Variants in RBFOX1 observed in about 807,000 individuals in gnomAD.
RBFOX1 encodes RNA binding protein fox-1 homolog 1.
A neutral mutation model predicts 57.7 loss-of-function variants in RBFOX1; 8 were observed. The ratio of observed to expected loss-of-function variants is 0.14; its 90% CI spans 0.08 to 0.25. The LOEUF (loss-of-function observed/expected upper bound fraction) is 0.25. RBFOX1 is among the 10% of genes least tolerant of loss of function. RBFOX1 has a pLI of 1.00. For synonymous variants in RBFOX1, 326 were observed against 222.4 expected (o/e 1.47, Z -4.15); for missense variants, 611 against 548.5 (o/e 1.11, Z -1.14).
At chr16:6,625,002 T>A (rs1468893415) in intron 2 of RBFOX1, among the ~76,000 whole-genome samples, 3 of 151,614 alleles carry the variant, frequency 2.0e-5, no homozygotes, top group Non-Finnish European at 4.4e-5. Flanking sequence ...CCATCTCTAC[T>A]AAAAATACAA....
chr16:7,040,283 T>G (rs2045754022), intron 3 of RBFOX1, among the ~76,000 whole-genome samples: 1 of 152,090 alleles, frequency 6.6e-6, no homozygotes, highest in African/African-American at 2.4e-5. Context: ...CCTCCCAAAG[T>G]GCTGGGATTG....
rs76883118 is a variant in RBFOX1, at chr16:7,006,780, C to A, written c.-15-45277C>A. On this transcript the variant is annotated intron_variant, in intron 3 of 15. Transcript: ENST00000550418. Reference sequence around the variant, plus strand: ...TGATTAAGAAAAAGTAAACCCTATGCAGAAGAGAACACTTAGCAAAGTTAA... The same window carrying A: ...TGATTAAGAAAAAGTAAACCCTATGAAGAAGAGAACACTTAGCAAAGTTAA... Among the ~76,000 whole-genome samples, 9 of 152,292 alleles carry A rather than the reference C, an allele frequency of 5.9e-5. No homozygotes were observed. In the East Asian group the frequency reaches 1.7e-3, roughly 29 times the overall value.
At chr16:6,742,523 A>G (rs1276092644) in intron 3 of RBFOX1, among the ~76,000 whole-genome samples, 2 of 152,210 alleles carry the variant, frequency 1.3e-5, no homozygotes, top group African/African-American at 4.8e-5. Context: ...AAAACCCCAG[A>G]AAGCTATACA....
At chr16:7,171,887 G>A (rs984286923) in intron 4 of RBFOX1, among the ~76,000 whole-genome samples, 11 of 152,134 alleles carry the variant, frequency 7.2e-5, no homozygotes, top group African/African-American at 2.7e-4. Flanking sequence ...CTCTGCTTAT[G>A]AGTACCACTT....
intron 3 of RBFOX1, among the ~76,000 whole-genome samples, chr16:6,760,192 A>G (rs527768239): frequency 1.3e-5 from 2 of 152,316 alleles, no homozygotes; most frequent in East Asian, 1.9e-4. Context: ...CTCCTTGGAT[A>G]TTTATTCTCT....
chr16:7,444,826 C>G (rs1385181179), intron 4 of RBFOX1, among the ~76,000 whole-genome samples: 3 of 152,090 alleles, frequency 2.0e-5, no homozygotes, highest in Non-Finnish European at 4.4e-5. Flanking sequence ...GCCACCGTGC[C>G]CCACTGACAT....
At chr16:7,305,213 T>C (rs893100344) in intron 4 of RBFOX1, among the ~76,000 whole-genome samples, 3 of 152,036 alleles carry the variant, frequency 2.0e-5, no homozygotes, top group Non-Finnish European at 4.4e-5. Context: ...TTTCCATTCA[T>C]TGTGCACATT....
chr16:7,234,494 G>A (rs953931525), intron 4 of RBFOX1, among the ~76,000 whole-genome samples: 5 of 151,960 alleles, frequency 3.3e-5, no homozygotes, highest in African/African-American at 1.2e-4. Context: ...CAGGCTCAAA[G>A]TTTGTCTTCT....
chr16:5,301,210 G>A (rs1021555605), intron 1 of RBFOX1, among the ~76,000 whole-genome samples: 2 of 152,206 alleles, frequency 1.3e-5, no homozygotes, highest in East Asian at 3.9e-4. Context: ...ATGGAAGCCA[G>A]CTACCACCAT....
At chr16:5,443,669 A>G (rs143169460) in intron 1 of RBFOX1, among the ~76,000 whole-genome samples, 1 of 152,194 alleles carries the variant, frequency 6.6e-6, no homozygotes, top group Non-Finnish European at 1.5e-5. Context: ...TCTAATTTTT[A>G]TGCCTCCCCC....
chr16:5,809,095 G>C (rs1296013442), intron 3 of RBFOX1, among the ~76,000 whole-genome samples: 3 of 152,162 alleles, frequency 2.0e-5, no homozygotes, highest in African/African-American at 7.2e-5. Flanking sequence ...CTTAATAAAT[G>C]GTGGTGGGAA....
At chr16:7,552,929 C>T (rs577003908) in intron 5 of RBFOX1, among the ~76,000 whole-genome samples, 4 of 152,056 alleles carry the variant, frequency 2.6e-5, no homozygotes, top group East Asian at 3.9e-4. Context: ...GTGATCTGCC[C>T]GCCTCGGACT....
At chr16:7,165,593 C>A (rs1457571196) in intron 4 of RBFOX1, among the ~76,000 whole-genome samples, 1 of 151,638 alleles carries the variant, frequency 6.6e-6, no homozygotes, top group Non-Finnish European at 1.5e-5. Context: ...CCACGCCCGG[C>A]TAATTTTGTA....
At chr16:7,624,705 C>G (rs2059818726) in intron 10 of RBFOX1, among the ~76,000 whole-genome samples, 2 of 152,318 alleles carry the variant, frequency 1.3e-5, no homozygotes, top group Non-Finnish European at 2.9e-5. Context: ...GGGTTCTCCT[C>G]TTAGCCTTCT....
intron 1 of RBFOX1, among the ~76,000 whole-genome samples, chr16:6,124,721 T>C (rs2096576519): frequency 6.6e-6 from 1 of 151,974 alleles, no homozygotes; most frequent in African/African-American, 2.4e-5. Flanking sequence ...AGAGACGGGG[T>C]TTCACCATGT....
chr16:7,071,245 A>G (rs1374731757), intron 4 of RBFOX1, among the ~76,000 whole-genome samples: 1 of 152,138 alleles, frequency 6.6e-6, no homozygotes, highest in African/African-American at 2.4e-5. Flanking sequence ...TACATACACC[A>G]CTAGGAGAAT....
intron 3 of RBFOX1, among the ~76,000 whole-genome samples, chr16:6,734,434 A>G (rs1320188913): frequency 6.6e-6 from 1 of 152,208 alleles, no homozygotes; most frequent in African/African-American, 2.4e-5. Context: ...TACGTGGATT[A>G]TCTCATTTAA....
chr16:7,055,238 C>T (rs1010323049), intron 4 of RBFOX1, among the ~76,000 whole-genome samples: 10 of 152,138 alleles, frequency 6.6e-5, no homozygotes, highest in Non-Finnish European at 1.2e-4. Flanking sequence ...TCTAACTCAG[C>T]TGACTACGCA....
At chr16:6,208,973 C>T (rs1207164165) in intron 1 of RBFOX1, among the ~76,000 whole-genome samples, 1 of 151,954 alleles carries the variant, frequency 6.6e-6, no homozygotes, top group Non-Finnish European at 1.5e-5. Flanking sequence ...TTTTGTGACC[C>T]AACTGGGTCT....
Sources: allele counts gnomAD v4.1 joint callset (sites outside exome capture counted in the v4.1 genomes callset), GRCh38; gene constraint gnomAD v4.1.1; transcripts MANE v1.5; gene names NCBI Gene and HGNC (gene_info 2026-07-23, HGNC 2026-07-21).